The following HERC1 variants were observed in gnomAD, a reference collection of about 807,000 sequenced individuals.
HERC1 encodes HECT and RLD domain containing E3 ubiquitin protein ligase family member 1.
Under a neutral mutation model 554.3 loss-of-function variants are expected in HERC1, and 160 were observed. The observed-to-expected ratio is 0.29, with a 90% CI of 0.25 to 0.33. The LOEUF (loss-of-function observed/expected upper bound fraction) is 0.33. Ranked by LOEUF, HERC1 falls within the 10% of genes least tolerant of loss-of-function variation. The probability of loss-of-function intolerance (pLI) is 1.00; values close to 1 mark genes in which losing one functional copy is unlikely to be tolerated. For missense variants in HERC1, 4,919 were observed against 5,918.5 expected (o/e 0.83, Z 5.54); for synonymous variants, 2,175 against 2,131.7 (o/e 1.02, Z -0.56).
At chr15:63,661,460 T>C (rs1182327307) in intron 45 of HERC1, among the ~76,000 whole-genome samples, 1 of 152,096 alleles carries the variant, frequency 6.6e-6, no homozygotes, top group Non-Finnish European at 1.5e-5. Context: ...AAAATACAAA[T>C]GAAAAGAATT....
chr15:63,807,433 C>T (rs538615442), intron 1 of HERC1, among the ~76,000 whole-genome samples: 1 of 152,330 alleles, frequency 6.6e-6, no homozygotes, highest in South Asian at 2.1e-4. Flanking sequence ...AGCTTGGCTT[C>T]CATTGCTCCA....
intron 76 of HERC1, among the ~76,000 whole-genome samples, chr15:63,614,592 T>C (rs1025006713): frequency 6.6e-6 from 1 of 152,196 alleles, no homozygotes; most frequent in African/African-American, 2.4e-5. Context: ...GTATGGAGTA[T>C]GTATACTTCA....
intron 8 of HERC1, among the ~76,000 whole-genome samples, chr15:63,750,547 T>C (rs377126091): frequency 5.9e-5 from 9 of 152,230 alleles, no homozygotes; most frequent in Non-Finnish European, 1.0e-4. Flanking sequence ...TAGATTCTTA[T>C]CTTCATGCCA....
intron 8 of HERC1, chr15:63,752,756 T>C: frequency 6.4e-6 from 3 of 465,640 alleles, no homozygotes; most frequent in Non-Finnish European, 1.1e-5. Flanking sequence ...TCCACTAAGA[T>C]TTATCTGGGT....
chr15:63,626,609 G>A lies in HERC1; in HGVS notation c.13106-455C>T, dbSNP rs562860818. On this transcript the variant is annotated intron_variant, in intron 70 of 77. Transcript: ENST00000443617. ...CTCCATATTCACTAGGGATCTGATAGCAAGTATTCATGACAGAAACATATA... is the reference window on the plus strand; with the variant it reads ...CTCCATATTCACTAGGGATCTGATAACAAGTATTCATGACAGAAACATATA... Among the ~76,000 whole-genome samples the A allele has an allele frequency of 1.2e-3, 184 of 152,308 alleles. 1 individual carries two copies. Among genetic ancestry groups the A allele is most frequent in the African/African-American group, 4.4e-3 (181 of 41,574 alleles).
intron 12 of HERC1, among the ~76,000 whole-genome samples, chr15:63,739,195 C>CTTTTTTTTTT (rs1205943240): frequency 2.0e-5 from 2 of 102,252 alleles, no homozygotes; most frequent in African/African-American, 7.3e-5. Context: ...CACTAATATA[C>CTTTTTTTTTT]TTTTTTTTTT....
chr15:63,754,593 A>G lies in HERC1; in HGVS notation c.1686T>C (p.Asn562=), dbSNP rs1314095129. 2.7e-5 allele frequency: 43 copies of G among 1,613,580 alleles called. No homozygotes were observed. Among genetic ancestry groups the G allele is most frequent in the Non-Finnish European group, 3.5e-5 (41 of 1,179,632 alleles). ...NIPTLVKDIS[N]VGEVSCGSSH... is the part of the protein sequence containing the mutation. ...AACTGCCACAAGAAACCTCTCCTAC[A>G]TTGCTGATGTCTTTTACTAATGTTG... Residue 562 remains asparagine (N), a synonymous_variant, in exon 7 of 78, where the codon AAT becomes AAC. Transcript: ENST00000443617.
intron 37 of HERC1, 27 bp from the exon 38 acceptor site, chr15:63,675,144 G>A (rs756835715): frequency 6.5e-7 from 1 of 1,541,638 alleles, no homozygotes; most frequent in Non-Finnish European, 8.7e-7. Context: ...AATGACACAG[G>A]AAGAAGCAAG....
At chr15:63,632,684 G>C (rs1034811887) in intron 68 of HERC1, 25 bp downstream of exon 68, 2 of 1,422,530 alleles carry the variant, frequency 1.4e-6, no homozygotes, top group East Asian at 2.5e-5. Flanking sequence ...GTGTACCCAA[G>C]CAAATAAGCT....
intron 19 of HERC1, among the ~76,000 whole-genome samples, chr15:63,722,952 A>C (rs1307396776): frequency 6.6e-6 from 1 of 152,178 alleles, no homozygotes; most frequent in East Asian, 1.9e-4. Flanking sequence ...AATGTATTAT[A>C]TAAATCTCAA....
intron 1 of HERC1, among the ~76,000 whole-genome samples, chr15:63,802,622 A>G (rs879045179): frequency 3.9e-5 from 6 of 152,226 alleles, no homozygotes; most frequent in African/African-American, 1.4e-4. Context: ...TCCTGGTACA[A>G]TGCACAAATC....
At chr15:63,814,506 C>T (rs757452947) in intron 1 of HERC1, among the ~76,000 whole-genome samples, 24 of 152,172 alleles carry the variant, frequency 1.6e-4, no homozygotes, top group Non-Finnish European at 3.1e-4. Context: ...GCTGCCCATG[C>T]TGGAGTGCAG....
intron 1 of HERC1, among the ~76,000 whole-genome samples, chr15:63,793,287 A>T (rs2076708735): frequency 6.6e-6 from 1 of 152,226 alleles, no homozygotes; most frequent in Non-Finnish European, 1.5e-5. Flanking sequence ...CACGCTGATA[A>T]AACTGGTTGC....
chr15:63,653,120 A>T (rs2069793375), intron 51 of HERC1, among the ~76,000 whole-genome samples: 1 of 152,224 alleles, frequency 6.6e-6, no homozygotes, highest in African/African-American at 2.4e-5. Context: ...TAAAATAAAT[A>T]ACACAGACTA....
At chr15:63,689,728 T>C in intron 32 of HERC1, 29 bp from the exon 33 acceptor site, 2 of 1,348,950 alleles carry the variant, frequency 1.5e-6, no homozygotes, top group Non-Finnish European at 2.0e-6. Flanking sequence ...AAGGATAAAA[T>C]TTGTAAAAAG....
chr15:63,819,444 G>T (rs2077609248), intron 1 of HERC1, among the ~76,000 whole-genome samples: 1 of 152,142 alleles, frequency 6.6e-6, no homozygotes, highest in Non-Finnish European at 1.5e-5. Flanking sequence ...TTGCACTCTA[G>T]ACAGTTTGCT....
chr15:63,826,664 G>A (rs2053593), intron 1 of HERC1, among the ~76,000 whole-genome samples: 121,945 of 150,058 alleles, frequency 0.81, 51,355 homozygotes, highest in Non-Finnish European at 0.87. Context: ...TATGAATGCA[G>A]TATTAGTGGA....
intron 36 of HERC1, among the ~76,000 whole-genome samples, chr15:63,678,920 T>C (rs965195188): frequency 7.9e-5 from 12 of 152,214 alleles, no homozygotes; most frequent in African/African-American, 2.4e-4. Context: ...CTGACACTAA[T>C]AATAGCATCT....
intron 33 of HERC1, among the ~76,000 whole-genome samples, chr15:63,687,363 CCCCGTCT>C (rs2153025385): frequency 6.6e-6 from 1 of 152,184 alleles, no homozygotes; most frequent in African/African-American, 2.4e-5. Flanking sequence ...TATGGTGAAA[CCCCGTCT>C]CTACTAAAAA....
Sources: gnomAD v4.1 joint callset for allele counts (sites outside exome capture counted in the v4.1 genomes callset) on GRCh38, gnomAD v4.1.1 for gene constraint, MANE v1.5 for transcripts, NCBI Gene and HGNC (gene_info 2026-07-23, HGNC 2026-07-21) for gene names.